Variants in METTL23 observed in about 807,000 individuals in gnomAD.
METTL23 encodes methyltransferase 23, arginine, also known as histone-arginine methyltransferase METTL23.
METTL23 carries 24 observed loss-of-function variants against 21.2 expected under a neutral mutation model. That is an observed-to-expected ratio of 1.13 (90% CI 0.82 to 1.59). The LOEUF (loss-of-function observed/expected upper bound fraction) is 1.59. Ranked by LOEUF, METTL23 falls within the 40% of genes most tolerant of loss-of-function variation. METTL23 has a pLI of 0.00. For synonymous variants in METTL23, 97 were observed against 75.2 expected, an observed-to-expected ratio of 1.29 and a Z score of -1.50; for missense variants, 276 against 221.4, an observed-to-expected ratio of 1.25 and a Z score of -1.57.
At chr17:76,726,410 G>C (rs2076936759), upstream of METTL23, 2 of 1,605,306 alleles carry the variant, frequency 1.2e-6, no homozygotes, top group Admixed American at 1.7e-5. Flanking sequence ...AATCCAGCGA[G>C]TCCTTGAGCT....
rs1247691543 is a variant in METTL23 at position 76,733,841 on chromosome 17, A to C, written c.*155A>C. On this transcript the variant is annotated 3_prime_UTR_variant, in exon 5 of 5. Transcript: ENST00000341249. ...TTTGATGTCACCTAGACAACACTTA[A>C]ACTCATATGAAACAAAAATTAAAAT... 3.7e-6 allele frequency: 2 copies of C among 539,640 alleles called. No homozygotes were observed. Among genetic ancestry groups the C allele is most frequent in the Non-Finnish European group, 3.1e-6 (1 of 319,642 alleles). 33.4% of individuals were successfully genotyped at this position (539,640 alleles called of 1,614,324 possible).
At chr17:76,733,480 GAA>G (rs745646784) in intron 4 of METTL23, 39 bp from the exon 5 acceptor site, 43 of 1,599,958 alleles carry the variant, frequency 2.7e-5, no homozygotes, top group African/African-American at 5.4e-5. Flanking sequence ...AAGCAAAACA[GAA>G]AAGGCATGAC....
At position 76,733,523 on chromosome 17, in the gene METTL23, C is replaced by G; in HGVS notation, c.410C>G (p.Ala137Gly). The G allele has an allele frequency of 6.2e-7, 1 of 1,603,912 alleles. No individual in the cohort carries two copies. The change falls in exon 5 of 5, where the codon GCT (alanine) becomes GGT (glycine). Residue 137 changes from alanine to glycine, a missense_variant and splice_region_variant. Transcript: ENST00000341249. ...QLWSTYQVRS[A>G]DWSLEALLYK... is the part of the protein sequence containing the mutation. ...AAGAACAACTTTTTTTTTTTAAGTG[C>G]TGACTGGTCACTTGAAGCTTTACTC... is the stretch of plus-strand genomic sequence containing the variant.
chr17:76,730,755 G>T (rs1315326421), intron 2 of METTL23, among the ~76,000 whole-genome samples: 1 of 151,704 alleles, frequency 6.6e-6, no homozygotes, highest in African/African-American at 2.4e-5. Flanking sequence ...ATTGCCTGAG[G>T]TCAGGAGTTC....
rs751658113 is a variant in METTL23 at position 76,733,517 on chromosome 17, T to A, written c.408-4T>A. ...CTTTAAAAGAACAACTTTTTTTTTT[T>A]AAGTGCTGACTGGTCACTTGAAGCT... On this transcript the variant is annotated splice_region_variant and splice_polypyrimidine_tract_variant and intron_variant, in intron 4 of 4. Transcript: ENST00000341249. 15 of 1,597,118 alleles carry A rather than the reference T, an allele frequency of 9.4e-6. No individual in the cohort carries two copies. The highest frequency in any genetic ancestry group is 8.1e-5 in the African/African-American group (6 of 73,688).
chr17:76,733,590 T>G lies in METTL23; in HGVS notation c.477T>G (p.Ser159=). ...AATGTGTCCACATTCCTCTTGAGTC[T>G]TTTGATGCAGACAAAGAAGATATAG... ...DMKCVHIPLE[S]FDADKEDIAE... The change falls in exon 5 of 5, where the codon TCT becomes TCG. Residue 159 remains serine, a synonymous_variant. Coordinates refer to ENST00000341249, the MANE Select transcript of METTL23 (RefSeq NM_001080510.5). 6.2e-7 allele frequency: 1 copy of G among 1,613,976 alleles called. No homozygotes were observed. The highest frequency in any genetic ancestry group is 8.5e-7 in the Non-Finnish European group (1 of 1,179,854).
upstream of METTL23, chr17:76,726,818 C>T (rs1402688015): frequency 4.5e-5 from 18 of 397,266 alleles, no homozygotes; most frequent in Non-Finnish European, 8.4e-5. Flanking sequence ...CCTCCCCTCC[C>T]GCGCTGCCGC....
intron 1 of METTL23, among the ~76,000 whole-genome samples, chr17:76,728,040 G>T (rs1382251074): frequency 6.6e-6 from 1 of 152,178 alleles, no homozygotes; most frequent in Non-Finnish European, 1.5e-5. Flanking sequence ...AGGAGTTCCA[G>T]ACCAGCCTGG....
In METTL23 at chr17:76,729,771, C is replaced by G. The variant is rs1026852210; in HGVS notation, c.61C>G (p.Leu21Val). 6 of 1,595,116 alleles carry G rather than the reference C, an allele frequency of 3.8e-6. No individual in the cohort carries two copies. In the African/African-American group the frequency reaches 8.0e-5, roughly 21 times the overall value. The part of the protein sequence containing the change: ...AQYLWFHRRS[L>V]PGKAILEIGA... ...GTACCTTTGGTTTCACAGAAGATCT[C>G]TGCCAGGCAAGGCCATCTTAGAGGT... The change falls in exon 2 of 5, where the codon CTG becomes GTG. Residue 21 changes from leucine (L) to valine (V), a missense_variant. Transcript: ENST00000341249.
At chr17:76,726,377 C>T, upstream of METTL23, 1 of 1,602,380 alleles carries the variant, frequency 6.2e-7, no homozygotes. Flanking sequence ...GCGAGAAGCT[C>T]TCGTAGTAGT....
At chr17:76,731,451 CACT>C (rs1489040935) in intron 2 of METTL23, among the ~76,000 whole-genome samples, 1 of 152,140 alleles carries the variant, frequency 6.6e-6, no homozygotes, top group African/African-American at 2.4e-5. Context: ...TTTATAAGGG[CACT>C]AATCATGAGA....
chr17:76,726,248 C>A, upstream of METTL23: 2 of 1,420,708 alleles, frequency 1.4e-6, no homozygotes, highest in Non-Finnish European at 1.8e-6. Context: ...TACGAGGTCC[C>A]GGGCGCTCGG....
chr17:76,726,613 G>A, upstream of METTL23: 2 of 1,224,516 alleles, frequency 1.6e-6, no homozygotes, highest in Middle Eastern at 2.1e-4. Context: ...CTTTAAAGTC[G>A]CCTTCCAGAA....
At chr17:76,732,649 A>G (rs1317643611) in intron 2 of METTL23, 1 of 335,954 alleles carries the variant, frequency 3.0e-6, no homozygotes, top group Non-Finnish European at 5.6e-6. Context: ...TCTCAAAAAA[A>G]TAAAACAAAA....
intron 4 of METTL23, 68 bp downstream of exon 4, chr17:76,733,445 A>T (rs932404322): frequency 6.3e-7 from 1 of 1,598,484 alleles, no homozygotes; most frequent in Admixed American, 1.7e-5. Flanking sequence ...CATGCGATAC[A>T]TAATTTAAGA....
At position 76,733,081 on chromosome 17, in the gene METTL23, G is replaced by C. The variant is rs373685308; in HGVS notation, c.188G>C (p.Arg63Pro). The change falls in exon 3 of 5, where the codon CGG (arginine) becomes CCG (proline). Residue 63 changes from arginine (R) to proline (P), a missense_variant. Transcript: ENST00000341249. Reference protein sequence around the residue: ...SELPHCLEVCRQSCQMNNLPH... With the variant: ...SELPHCLEVCPQSCQMNNLPH... ...CTGCCTCACTGTCTGGAAGTCTGTCGGCAAAGCTGCCAAATGAATAACCTG... is the reference window on the plus strand; with the variant it reads ...CTGCCTCACTGTCTGGAAGTCTGTCCGCAAAGCTGCCAAATGAATAACCTG... 6.2e-6 allele frequency: 10 copies of C among 1,610,218 alleles called. No homozygotes were observed. In the African/African-American group the frequency reaches 9.4e-5, roughly 15 times the overall value.
At position 76,733,087 on chromosome 17, in the gene METTL23, G is replaced by C. The variant is rs773426590; in HGVS notation, c.194G>C (p.Ser65Thr). Residue 65 changes from serine (S) to threonine (T), a missense_variant, in exon 3 of 5, where the codon AGC becomes ACC. Ser to Thr is a moderately conservative substitution (Grantham distance 58, BLOSUM62 1). Transcript: ENST00000341249. ...CACTGTCTGGAAGTCTGTCGGCAAAGCTGCCAAATGAATAACCTGCCACAT... is the reference window on the plus strand; with the variant it reads ...CACTGTCTGGAAGTCTGTCGGCAAACCTGCCAAATGAATAACCTGCCACAT... Reference protein sequence around the residue: ...LPHCLEVCRQSCQMNNLPHLQ... With the variant: ...LPHCLEVCRQTCQMNNLPHLQ... 2 of 1,611,734 alleles carry C rather than the reference G, an allele frequency of 1.2e-6. No individual in the cohort carries two copies. The highest frequency in any genetic ancestry group is 1.1e-5 in the South Asian group (1 of 90,600).
At chr17:76,732,331 C>G (rs1156760474) in intron 2 of METTL23, among the ~76,000 whole-genome samples, 1 of 152,174 alleles carries the variant, frequency 6.6e-6, no homozygotes, top group African/African-American at 2.4e-5. Flanking sequence ...GAAACCCTGT[C>G]TCTACTAAAG....
chr17:76,726,329 C>T, upstream of METTL23: 1 of 1,556,350 alleles, frequency 6.4e-7, no homozygotes. Context: ...CCTGGCCACC[C>T]CCGCCCGACC....
Sources: gnomAD v4.1 joint callset for allele counts (sites outside exome capture counted in the v4.1 genomes callset) on GRCh38, gnomAD v4.1.1 for gene constraint, MANE v1.5 for transcripts, NCBI Gene and HGNC (gene_info 2026-07-23, HGNC 2026-07-21) for gene names.